PHKA2: variants seen among roughly 807,000 people sequenced by gnomAD.
The protein encoded by PHKA2 is phosphorylase b kinase regulatory subunit alpha, liver isoform.
A neutral mutation model predicts 102.0 loss-of-function variants in PHKA2; 31 were observed. The observed-to-expected ratio is 0.30, with a 90% confidence interval of 0.23 to 0.41. The LOEUF is 0.41. Ranked by LOEUF, PHKA2 falls within the 10% of genes least tolerant of loss-of-function variation. The pLI is 1.00. For synonymous variants in PHKA2, 455 were observed against 416.2 expected (o/e 1.09, Z -1.13); for missense variants, 858 against 1,023.1 (o/e 0.84, Z 2.20).
chrX:18,908,733 C>T (rs2047869300), intron 21 of PHKA2, 68 bp downstream of exon 21: 1 of 936,995 alleles, frequency 1.1e-6, no homozygotes, highest in South Asian at 2.0e-5. Context: ...AAATTCATTT[C>T]TGTTGTTCCT....
At chrX:18,897,836 A>G in intron 29 of PHKA2, 1 of 122,279 alleles carries the variant, frequency 8.2e-6, no homozygotes, top group Non-Finnish European at 1.7e-5. Flanking sequence ...AGTGTGCGCT[A>G]AGTGCCCATG....
At chrX:18,941,452 T>C in intron 8 of PHKA2, 77 bp downstream of exon 8, 1 of 905,082 alleles carries the variant, frequency 1.1e-6, no homozygotes, top group African/African-American at 1.9e-5. Context: ...ATTAACCTCA[T>C]GGGGAACTGA....
chrX:18,924,552 C>T (rs757200042), intron 15 of PHKA2, 27 bp from the exon 16 acceptor site: 28 of 1,202,602 alleles, frequency 2.3e-5, no homozygotes, highest in South Asian at 1.9e-4. Context: ...GCTGGGTAAA[C>T]GGCCACCCTT....
intron 16 of PHKA2, 115 bp from the exon 17 acceptor site, chrX:18,924,249 C>T (rs959921488): frequency 7.5e-6 from 7 of 939,435 alleles, no homozygotes; most frequent in African/African-American, 3.8e-5. Flanking sequence ...AGAAGATTCC[C>T]GAGATAAGAA....
chrX:18,957,602 T>C (rs2048799694), intron 1 of PHKA2, among the ~76,000 whole-genome samples: 1 of 110,269 alleles, frequency 9.1e-6, no homozygotes, highest in Admixed American at 9.7e-5. Context: ...CATAAGCAGA[T>C]AGATGTATCT....
intron 18 of PHKA2, 51 bp from the exon 19 acceptor site, chrX:18,918,905 T>C: frequency 9.3e-7 from 1 of 1,070,584 alleles, no homozygotes; most frequent in East Asian, 3.0e-5. Context: ...GCTGTAGAAA[T>C]ATGACTACAC....
Position 18,897,319 on chromosome X carries a change from T to C in PHKA2, c.3126A>G (p.Pro1042=), listed in dbSNP as rs757931421. 1.8e-5 allele frequency: 22 copies of C among 1,207,034 alleles called. No homozygotes were observed. In the South Asian group the frequency reaches 3.5e-4, roughly 19 times the overall value. Residue 1042 remains proline (P), a synonymous_variant, in exon 30 of 33, where the codon CCA becomes CCG. Coordinates refer to ENST00000379942, the MANE Select transcript of PHKA2 (RefSeq NM_000292.3). ...HSSKSARSST[P]SSPTGTSSSD... ...AGGATGACGTGCCAGTGGGCGAGGATGGGGTGCTGGACCTCTGCAAGACAG... is the reference window on the plus strand; with the variant it reads ...AGGATGACGTGCCAGTGGGCGAGGACGGGGTGCTGGACCTCTGCAAGACAG...
intron 25 of PHKA2, among the ~76,000 whole-genome samples, chrX:18,906,207 G>A (rs917611332): frequency 8.9e-6 from 1 of 112,266 alleles, no homozygotes; most frequent in African/African-American, 3.2e-5. Context: ...AGGGCATCCA[G>A]GAAGGAGCTT....
At chrX:18,932,027 C>T (rs2048324400) in intron 11 of PHKA2, among the ~76,000 whole-genome samples, 1 of 112,457 alleles carries the variant, frequency 8.9e-6, no homozygotes, top group Non-Finnish European at 1.9e-5. Flanking sequence ...GCCTGCTTTG[C>T]GCACAGCTCT....
chrX:18,984,107 T>G lies in PHKA2; in HGVS notation c.-175A>C. 1 of 471,283 alleles carries G rather than the reference T, an allele frequency of 2.1e-6. No homozygotes were observed. Among genetic ancestry groups the G allele is most frequent in the Admixed American group, 3.1e-5 (1 of 32,042 alleles). The allele number at this position is 471,283 out of a possible 1,213,427, so 38.8% of individuals were successfully genotyped here. On this transcript the variant is annotated 5_prime_UTR_variant, in exon 1 of 33. Transcript: ENST00000379942. ...CTAAACGCTAGCCCCAAAGTCCGGTTGGAAAGCAAGCCAACCAGAGCTCCG... is the reference window on the plus strand; with the variant it reads ...CTAAACGCTAGCCCCAAAGTCCGGTGGGAAAGCAAGCCAACCAGAGCTCCG...
At position 18,938,760 on chromosome X, in the gene PHKA2, A is replaced by G. The variant is rs1229420838; in HGVS notation, c.919-11T>C. ...CAGTCGATTAGGGTCCTAGAATCAA[A>G]TAAGTCAAACTTTTAAAAGGTGATG... On this transcript the variant is annotated splice_polypyrimidine_tract_variant and intron_variant, in intron 9 of 32. Coordinates refer to ENST00000379942, the MANE Select transcript of PHKA2 (RefSeq NM_000292.3). 3 of 1,198,053 alleles carry G rather than the reference A, an allele frequency of 2.5e-6. No individual in the cohort carries two copies. Among genetic ancestry groups the G allele is most frequent in the Non-Finnish European group, 3.4e-6 (3 of 883,783 alleles).
At chrX:18,969,686 G>C (rs1048375822) in intron 1 of PHKA2, among the ~76,000 whole-genome samples, 2 of 111,490 alleles carry the variant, frequency 1.8e-5, no homozygotes, top group African/African-American at 6.5e-5. Flanking sequence ...GATGAAAATA[G>C]TTTTGACCTC....
chrX:18,895,386 A>C (rs2047525681), intron 30 of PHKA2, 195 bp from the exon 31 acceptor site: 1 of 470,778 alleles, frequency 2.1e-6, no homozygotes, highest in African/African-American at 2.4e-5. Flanking sequence ...CGATGGAACA[A>C]TTCTAGGGAA....
intron 1 of PHKA2, among the ~76,000 whole-genome samples, chrX:18,977,159 T>C (rs1298221900): frequency 1.8e-5 from 2 of 112,230 alleles, no homozygotes; most frequent in Non-Finnish European, 3.8e-5. Flanking sequence ...ATCCATGACA[T>C]ATTCAGAAGC....
At chrX:18,932,900 G>A (rs2048338431) in intron 11 of PHKA2, among the ~76,000 whole-genome samples, 1 of 111,209 alleles carries the variant, frequency 9.0e-6, no homozygotes, top group Non-Finnish European at 1.9e-5. Flanking sequence ...GATCACCTGA[G>A]GCCAGGAGTT....
At chrX:18,954,655 G>C in intron 1 of PHKA2, among the ~76,000 whole-genome samples, 1 of 112,667 alleles carries the variant, frequency 8.9e-6, no homozygotes, top group Non-Finnish European at 1.9e-5. Context: ...AAACATTCCA[G>C]CTCTTATGTT....
chrX:18,897,803 A>G (rs1198753744), intron 29 of PHKA2: 1 of 133,136 alleles, frequency 7.5e-6, no homozygotes, highest in South Asian at 2.4e-4. Flanking sequence ...ACGTGGAGAC[A>G]CAGAAGCCCC....
At chrX:18,941,738 A>C in intron 7 of PHKA2, 63 bp from the exon 8 acceptor site, 1 of 820,486 alleles carries the variant, frequency 1.2e-6, no homozygotes, top group Non-Finnish European at 1.9e-6. Context: ...GTATCTAGGG[A>C]CCATGAGCTC....
rs764062948 is a variant in PHKA2, at chrX:18,954,846, G to A, written c.79-434C>T. On this transcript the variant is annotated intron_variant, in intron 1 of 32. Transcript: ENST00000379942. ...CTGTGAGCAAGAAACCTGGAGGCAG[G>A]GCCCCACTCCGCTCTCTAGCTGTGT... 4.5e-5 allele frequency among the ~76,000 whole-genome samples: 5 copies of A among 112,119 alleles called. No individual in the cohort carries two copies. In the South Asian group the frequency reaches 1.8e-3, roughly 41 times the overall value.
Sources: gnomAD v4.1 joint callset for allele counts (sites outside exome capture counted in the v4.1 genomes callset) on GRCh38, gnomAD v4.1.1 for gene constraint, MANE v1.5 for transcripts, NCBI Gene and HGNC (gene_info 2026-07-23, HGNC 2026-07-21) for gene names.